Variants in PLXNA4 observed in about 807,000 individuals in gnomAD.
PLXNA4 encodes plexin-A4.
In PLXNA4, 44 loss-of-function variants were observed where a neutral mutation model predicts 191.8. The ratio of observed to expected loss-of-function variants is 0.23; its 90% CI spans 0.18 to 0.29. PLXNA4 has a LOEUF of 0.29. Among genes scored for constraint, PLXNA4 ranks in the 10% least tolerant of loss-of-function variants. The probability of loss-of-function intolerance (pLI) is 1.00; values close to 1 mark genes in which losing one functional copy is unlikely to be tolerated. For missense variants in PLXNA4, 1,800 were observed against 2,488.8 expected, an observed-to-expected ratio of 0.72 and a Z score of 5.89; for synonymous variants, 1,082 against 1,009.5, an observed-to-expected ratio of 1.07 and a Z score of -1.36.
At chr7:132,471,173 C>T (rs182457392) in intron 3 of PLXNA4, among the ~76,000 whole-genome samples, 2 of 152,258 alleles carry the variant, frequency 1.3e-5, no homozygotes, top group East Asian at 1.9e-4. Context: ...ATCTATGTGA[C>T]GTGCCTGCTC....
At chr7:132,379,143 G>C (rs1306967505) in intron 3 of PLXNA4, among the ~76,000 whole-genome samples, 1 of 152,152 alleles carries the variant, frequency 6.6e-6, no homozygotes, top group African/African-American at 2.4e-5. Flanking sequence ...GAGCAACCGT[G>C]CTCGGCCAGA....
In PLXNA4 at chr7:132,211,025, C is replaced by A; in HGVS notation, c.2216G>T (p.Cys739Phe). 6.2e-7 allele frequency: 1 copy of A among 1,614,066 alleles called. No individual in the cohort carries two copies. Among genetic ancestry groups the A allele is most frequent in the Non-Finnish European group, 8.5e-7 (1 of 1,180,008 alleles). The part of the protein sequence containing the change: ...QPQSGQRGYE[C>F]ILNIQGSEQR... ...CTCGCTGCCCTGAATGTTGAGGATG[C>A]ATTCGTAGCCACGCTGCCCAGACTG... Residue 739 changes from cysteine to phenylalanine, a missense_variant, in exon 10 of 32, where the codon TGC (cysteine) becomes TTC (phenylalanine). Physicochemically the swap from Cys to Phe is radical, Grantham distance 205. Transcript: ENST00000321063.
chr7:132,267,498 C>T (rs1348590651), intron 4 of PLXNA4, among the ~76,000 whole-genome samples: 2 of 152,168 alleles, frequency 1.3e-5, no homozygotes, highest in Admixed American at 1.3e-4. Flanking sequence ...GACACACATG[C>T]CCCAAATAGT....
chr7:132,507,813 A>G lies in PLXNA4; in HGVS notation c.881T>C (p.Val294Ala). ...CKEDTAFNSY[V>A]EVPIGCERSG... ...GCGCTCACAGCCAATGGGCACCTCTACATAGGAGTTGAAGGCTGTGTCCTC... is the reference window on the plus strand; with the variant it reads ...GCGCTCACAGCCAATGGGCACCTCTGCATAGGAGTTGAAGGCTGTGTCCTC... The change falls in exon 2 of 32, where the codon GTA (valine) becomes GCA (alanine). Residue 294 changes from valine (V) to alanine (A), a missense_variant. By Grantham distance (64) the Val-to-Ala change is moderately conservative (BLOSUM62 0). Around this residue, in one of 6 missense-constraint regions of PLXNA4, gnomAD observed 1,397 missense variants for 1,880.4 expected, o/e 0.74. Coordinates refer to ENST00000321063, the MANE Select transcript of PLXNA4 (RefSeq NM_020911.2). 1.2e-6 allele frequency: 2 copies of G among 1,614,128 alleles called. No individual in the cohort carries two copies. The highest frequency in any genetic ancestry group is 1.7e-6 in the Non-Finnish European group (2 of 1,180,032).
chr7:132,583,442 A>G (rs1378413468), intron 2 of PLXNA4, among the ~76,000 whole-genome samples: 5 of 152,234 alleles, frequency 3.3e-5, no homozygotes, highest in African/African-American at 9.6e-5. Flanking sequence ...GACTTCTCGC[A>G]TCACCTTCTC....
At chr7:132,551,350 A>C (rs1800552607) in intron 1 of PLXNA4, among the ~76,000 whole-genome samples, 1 of 152,188 alleles carries the variant, frequency 6.6e-6, no homozygotes, top group Non-Finnish European at 1.5e-5. Context: ...TATGGAGCAA[A>C]ATCCCCCCAC....
chr7:132,640,775 GAA>G (rs71178048), intron 2 of PLXNA4, among the ~76,000 whole-genome samples: 262 of 101,068 alleles, frequency 2.6e-3, no homozygotes, highest in Non-Finnish European at 3.5e-3. Context: ...TATGTCTACT[GAA>G]AAAAAAAAAA....
In PLXNA4 at chr7:132,508,913, C is replaced by T; in HGVS notation, c.-86-134G>A. 1 of 882,680 alleles carries T rather than the reference C, an allele frequency of 1.1e-6. No individual in the cohort carries two copies. The highest frequency in any genetic ancestry group is 1.6e-6 in the Non-Finnish European group (1 of 629,800). 54.7% of individuals were successfully genotyped at this position (882,680 alleles called of 1,614,324 possible). ...TGCACTGGGGGGTGCTGGAGGCTGA[C>T]TGAGTCAACCCCCACCACGGGCATG... is the stretch of plus-strand genomic sequence containing the variant. On this transcript the variant is annotated intron_variant, in intron 1 of 31. Coordinates refer to ENST00000321063, the MANE Select transcript of PLXNA4 (RefSeq NM_020911.2). This position sits in a 1 kb window ranked among gnomAD's most constrained non-coding sequence, Gnocchi z 4.4.
At chr7:132,608,092 C>CAGTATCACCATCACCACCATCACCATCA (rs1802970355) in intron 2 of PLXNA4, among the ~76,000 whole-genome samples, 2 of 15,708 alleles carry the variant, frequency 1.3e-4, no homozygotes, top group Non-Finnish European at 3.1e-4. Flanking sequence ...CACCATCATC[C>CAGTATCACCATCACCACCATCACCATCA]TCATCACTAT....
At chr7:132,603,743 G>C (rs899961061) in intron 2 of PLXNA4, among the ~76,000 whole-genome samples, 1 of 152,208 alleles carries the variant, frequency 6.6e-6, no homozygotes, top group Non-Finnish European at 1.5e-5. Flanking sequence ...AAGTATATTA[G>C]ACTCCCAGCT....
intron 2 of PLXNA4, among the ~76,000 whole-genome samples, chr7:132,628,347 T>G (rs1803422199): frequency 6.6e-6 from 1 of 152,100 alleles, no homozygotes; most frequent in Non-Finnish European, 1.5e-5. Flanking sequence ...TCTGTCTCTC[T>G]CTCGCTCTCT....
chr7:132,123,349 A>G lies in PLXNA4; in HGVS notation c.*7130T>C, dbSNP rs955513527. ...ACCCAAAATCCCAAACTGCATTTTT[A>G]TTATTTTTTAATAAACTTTATTCTA... On this transcript the variant is annotated 3_prime_UTR_variant, in exon 32 of 32. Coordinates refer to ENST00000321063, the MANE Select transcript of PLXNA4 (RefSeq NM_020911.2). 6.6e-6 allele frequency: 1 copy of G among 152,136 alleles called. No homozygotes were observed. Among genetic ancestry groups the G allele is most frequent in the Non-Finnish European group, 1.5e-5 (1 of 68,006 alleles). The allele number at this position is 152,136 out of a possible 1,614,324, so 9.4% of individuals were successfully genotyped here.
intron 3 of PLXNA4, among the ~76,000 whole-genome samples, chr7:132,476,332 C>G (rs1297901556): frequency 6.6e-6 from 1 of 152,134 alleles, no homozygotes; most frequent in Non-Finnish European, 1.5e-5. Flanking sequence ...ATTATGGTAC[C>G]CAGTTATGGA....
intron 2 of PLXNA4, among the ~76,000 whole-genome samples, chr7:132,629,099 T>C (rs1043857641): frequency 3.9e-5 from 6 of 152,242 alleles, no homozygotes; most frequent in African/African-American, 1.4e-4. Flanking sequence ...AGACCCCAAG[T>C]GGTAATACCT....
intron 13 of PLXNA4, 147 bp downstream of exon 13, chr7:132,198,337 TC>T: frequency 1.8e-6 from 2 of 1,116,146 alleles, no homozygotes; most frequent in Non-Finnish European, 2.4e-6. Context: ...GTTGTGGGAG[TC>T]CACCCTCCAA....
chr7:132,399,659 G>A (rs1242058526), intron 3 of PLXNA4, among the ~76,000 whole-genome samples: 1 of 152,178 alleles, frequency 6.6e-6, no homozygotes, highest in Non-Finnish European at 1.5e-5. Context: ...TCTGTGCTTT[G>A]GAGGGCAGAG....
intron 1 of PLXNA4, among the ~76,000 whole-genome samples, chr7:132,646,777 T>G (rs1371287562): frequency 6.6e-6 from 1 of 152,128 alleles, no homozygotes; most frequent in African/African-American, 2.4e-5. Context: ...GAAACTAGGC[T>G]GGAACTAGGA....
rs191884669 is a variant in PLXNA4 at position 132,340,835 on chromosome 7, G to A, written c.1372-42613C>T. On this transcript the variant is annotated intron_variant, in intron 3 of 31. Coordinates refer to ENST00000321063, the MANE Select transcript of PLXNA4 (RefSeq NM_020911.2). ...TGGGATTACAGACATGTGCCACCAC[G>A]CCTGGCTAATTTTTGTATTTTTATT... Among the ~76,000 whole-genome samples, 15 of 152,186 alleles carry A rather than the reference G, an allele frequency of 9.9e-5. No homozygotes were observed. The East Asian group carries it at 1.7e-3, about 18-fold the overall frequency.
At chr7:132,549,688 A>AT (rs1440282441) in intron 1 of PLXNA4, among the ~76,000 whole-genome samples, 1 of 152,198 alleles carries the variant, frequency 6.6e-6, no homozygotes, top group Non-Finnish European at 1.5e-5. Flanking sequence ...AGTACATCAA[A>AT]TGCAGGGAGG....
Sources: allele counts gnomAD v4.1 joint callset (sites outside exome capture counted in the v4.1 genomes callset), GRCh38; gene constraint gnomAD v4.1.1; regional missense constraint gnomAD v4.1.1; non-coding constraint Gnocchi (gnomAD v3.1); transcripts MANE v1.5; gene names NCBI Gene and HGNC (gene_info 2026-07-23, HGNC 2026-07-21).